The following ADCY9 variants were observed in gnomAD, a reference collection of about 807,000 sequenced individuals.
ADCY9 encodes the protein adenylate cyclase type 9.
A neutral mutation model predicts 101.5 loss-of-function variants in ADCY9; 50 were observed. The ratio of observed to expected loss-of-function variants is 0.49; its 90% CI spans 0.39 to 0.62. The LOEUF is 0.62. Ranked by LOEUF, ADCY9 falls within the 20% of genes least tolerant of loss-of-function variation. The pLI, the probability that ADCY9 is intolerant of heterozygous loss-of-function variation, is 0.00. For synonymous variants in ADCY9, 905 were observed against 769.3 expected (o/e 1.18, Z -2.92); for missense variants, 1,662 against 1,800.4 (o/e 0.92, Z 1.39).
Position 3,979,126 on chromosome 16 carries a change from G to T in ADCY9, c.2669C>A (p.Thr890Asn). Residue 890 changes from threonine (T) to asparagine (N), a missense_variant, in exon 8 of 11, where the codon ACC becomes AAC. By Grantham distance (65) the Thr-to-Asn change is moderately conservative. Transcript: ENST00000294016. Reference protein sequence around the residue: ...VYSHVTSEYETNIHFPVFTGS... With the variant: ...VYSHVTSEYENNIHFPVFTGS... ...TGAGCCTTTACTTACGTGTATGTTG[G>T]TCTCATATTCGGAGGTGACATGGGA... is the stretch of plus-strand genomic sequence containing the variant. 1 of 1,614,226 alleles carries T rather than the reference G, an allele frequency of 6.2e-7. No homozygotes were observed. The highest frequency in any genetic ancestry group is 1.3e-5 in the African/African-American group (1 of 75,054).
intron 2 of ADCY9, among the ~76,000 whole-genome samples, chr16:4,056,831 C>A (rs946916760): frequency 2.6e-5 from 4 of 152,166 alleles, no homozygotes; most frequent in Non-Finnish European, 5.9e-5. Flanking sequence ...TTTATTATCT[C>A]TGGTTGACAA....
At chr16:4,112,172 C>G (rs959593557) in intron 2 of ADCY9, among the ~76,000 whole-genome samples, 2 of 152,194 alleles carry the variant, frequency 1.3e-5, no homozygotes, top group Admixed American at 6.5e-5. Context: ...CACCCACAGC[C>G]CCGTCCACTG....
chr16:3,986,137 A>G (rs2056191225), intron 6 of ADCY9, among the ~76,000 whole-genome samples: 1 of 152,208 alleles, frequency 6.6e-6, no homozygotes, highest in African/African-American at 2.4e-5. Context: ...AGGCCACTCC[A>G]CCATGATTAG....
At chr16:4,111,424 G>T (rs1273589590) in intron 2 of ADCY9, among the ~76,000 whole-genome samples, 1 of 152,084 alleles carries the variant, frequency 6.6e-6, no homozygotes, top group Non-Finnish European at 1.5e-5. Context: ...ACCCAATATT[G>T]TATAGAGAAA....
intron 2 of ADCY9, among the ~76,000 whole-genome samples, chr16:4,057,285 T>C (rs1362890572): frequency 2.0e-5 from 3 of 151,966 alleles, no homozygotes; most frequent in African/African-American, 7.3e-5. Flanking sequence ...GGACTGTCCA[T>C]CTTTTTTTTA....
intron 2 of ADCY9, among the ~76,000 whole-genome samples, chr16:4,083,971 T>C (rs1247033941): frequency 6.6e-6 from 1 of 152,190 alleles, no homozygotes; most frequent in Non-Finnish European, 1.5e-5. Flanking sequence ...AACTGCTGAA[T>C]TGTGTGACAT....
At chr16:4,048,240 A>G (rs1353992593) in intron 2 of ADCY9, among the ~76,000 whole-genome samples, 1 of 152,234 alleles carries the variant, frequency 6.6e-6, no homozygotes, top group African/African-American at 2.4e-5. Context: ...TTATATTTGC[A>G]CTGCCATTTT....
intron 2 of ADCY9, among the ~76,000 whole-genome samples, chr16:4,093,498 G>A (rs895025513): frequency 6.6e-6 from 1 of 152,118 alleles, no homozygotes; most frequent in East Asian, 1.9e-4. Context: ...AAATGAAATG[G>A]CTAAATCTCA....
intron 7 of ADCY9, among the ~76,000 whole-genome samples, chr16:3,980,893 C>A (rs1182641541): frequency 6.6e-6 from 1 of 152,186 alleles, no homozygotes; most frequent in Admixed American, 6.5e-5. Flanking sequence ...GAAAATGAGA[C>A]CTCACGCCTG....
At chr16:3,968,443 A>T (rs2056018907) in intron 10 of ADCY9, among the ~76,000 whole-genome samples, 1 of 152,012 alleles carries the variant, frequency 6.6e-6, no homozygotes, top group African/African-American at 2.4e-5. Flanking sequence ...TGGTTCTTAG[A>T]TTTCTAATCC....
chr16:4,003,563 CTTTTTTT>C (rs34344577), intron 3 of ADCY9, among the ~76,000 whole-genome samples: 6 of 124,486 alleles, frequency 4.8e-5, no homozygotes, highest in Non-Finnish European at 8.4e-5. Context: ...TCTTTCTTTT[CTTTTTTT>C]TTTTTTTTTT....
intron 2 of ADCY9, among the ~76,000 whole-genome samples, chr16:4,073,059 T>G (rs1241541594): frequency 6.7e-6 from 1 of 149,936 alleles, no homozygotes; most frequent in Non-Finnish European, 1.5e-5. Context: ...TAAAAATGAG[T>G]GTCTCTTGGA....
chr16:4,088,480 G>T (rs535286320), intron 2 of ADCY9, among the ~76,000 whole-genome samples: 1 of 152,100 alleles, frequency 6.6e-6, no homozygotes, highest in Non-Finnish European at 1.5e-5. Context: ...TGCAGCGACA[G>T]GATTTCACCA....
At chr16:4,102,227 G>T (rs544982422) in intron 2 of ADCY9, among the ~76,000 whole-genome samples, 1 of 152,148 alleles carries the variant, frequency 6.6e-6, no homozygotes, top group East Asian at 1.9e-4. Flanking sequence ...TTCTCCCAAC[G>T]ACCCTCTGAC....
At chr16:4,078,000 G>GAAAA (rs34323189) in intron 2 of ADCY9, among the ~76,000 whole-genome samples, 1 of 140,326 alleles carries the variant, frequency 7.1e-6, no homozygotes, top group Non-Finnish European at 1.5e-5. Flanking sequence ...CTCTGCTTCA[G>GAAAA]AAAAAAAAAA....
chr16:4,085,959 T>TA (rs534327496), intron 2 of ADCY9, among the ~76,000 whole-genome samples: 213 of 147,272 alleles, frequency 1.4e-3, no homozygotes, highest in East Asian at 3.4e-3. Flanking sequence ...GCATAATTAT[T>TA]AAAAAAAAAA....
chr16:4,095,760 T>G (rs2056999663), intron 2 of ADCY9, among the ~76,000 whole-genome samples: 1 of 152,074 alleles, frequency 6.6e-6, no homozygotes, highest in Non-Finnish European at 1.5e-5. Context: ...CTGGATTGCT[T>G]GAGCTCAGGA....
At chr16:4,112,540 C>T (rs2057120430) in intron 2 of ADCY9, among the ~76,000 whole-genome samples, 1 of 152,050 alleles carries the variant, frequency 6.6e-6, no homozygotes, top group Admixed American at 6.6e-5. Flanking sequence ...AACCACTGGA[C>T]GTCTCTGACT....
intron 3 of ADCY9, among the ~76,000 whole-genome samples, chr16:3,999,091 G>A (rs935934672): frequency 6.6e-6 from 1 of 152,130 alleles, no homozygotes; most frequent in Non-Finnish European, 1.5e-5. Flanking sequence ...CCCCTGCACA[G>A]CTGCAGGCAT....
Sources: allele counts gnomAD v4.1 joint callset (sites outside exome capture counted in the v4.1 genomes callset), GRCh38; gene constraint gnomAD v4.1.1; transcripts MANE v1.5; gene names NCBI Gene and HGNC (gene_info 2026-07-23, HGNC 2026-07-21).